The following CYP4X1 variants were observed in gnomAD, a reference collection of about 807,000 sequenced individuals.
CYP4X1 encodes cytochrome P450 4X1.
A neutral mutation model predicts 57.9 loss-of-function variants in CYP4X1; 44 were observed. The observed-to-expected ratio is 0.76, with a 90% confidence interval of 0.60 to 0.98. CYP4X1 has a LOEUF of 0.98. Ranked by LOEUF, CYP4X1 falls within the 50% of genes least tolerant of loss-of-function variation. The pLI is 0.00. For missense variants in CYP4X1, 532 were observed against 623.9 expected (o/e 0.85, Z 1.57); for synonymous variants, 227 against 228.6 (o/e 0.99, Z 0.06).
chr1:47,022,280 TGTC>T (rs373500038), upstream of CYP4X1, among the ~76,000 whole-genome samples: 3 of 139,678 alleles, frequency 2.1e-5, no homozygotes, highest in South Asian at 4.7e-4. Context: ...CCCTGGGGCC[TGTC>T]TTTTTTTTTT....
At chr1:46,999,026 TTGTG>T in the CYP4X1 span, among the ~76,000 whole-genome samples, 100,675 of 143,122 alleles carry the variant, frequency 0.7, 38,082 homozygotes, top group Non-Finnish European at 0.86. Flanking sequence ...CTTGCTTTCT[TTGTG>T]TGTGTGTGTG....
At chr1:46,974,089 C>T in the CYP4X1 span, among the ~76,000 whole-genome samples, 42 of 152,232 alleles carry the variant, frequency 2.8e-4, no homozygotes, top group Non-Finnish European at 5.3e-4. Context: ...AGTGCTTTAG[C>T]TGTGTCCCAG....
At chr1:47,013,183 G>A in the CYP4X1 span, among the ~76,000 whole-genome samples, 1 of 152,114 alleles carries the variant, frequency 6.6e-6, no homozygotes, top group East Asian at 1.9e-4. Flanking sequence ...AATAGGCAAA[G>A]CAGCCCCAAG....
the CYP4X1 span, among the ~76,000 whole-genome samples, chr1:46,968,197 C>G: frequency 6.6e-6 from 1 of 152,272 alleles, no homozygotes; most frequent in Admixed American, 6.5e-5. Context: ...GCTTCCCAGT[C>G]TAGGGGCCAG....
chr1:47,017,758 C>T, the CYP4X1 span, among the ~76,000 whole-genome samples: 1 of 152,138 alleles, frequency 6.6e-6, no homozygotes, highest in Non-Finnish European at 1.5e-5. Context: ...GACCTAGAAG[C>T]CCCCTCCCTC....
the CYP4X1 span, among the ~76,000 whole-genome samples, chr1:47,008,171 G>A: frequency 6.6e-6 from 1 of 152,170 alleles, no homozygotes; most frequent in Admixed American, 6.5e-5. Flanking sequence ...GGCAGCCAGA[G>A]AGAAAGGTCG....
Position 47,035,884 on chromosome 1 carries a change from A to G in CYP4X1, c.571A>G (p.Ile191Val), listed in dbSNP as rs755914932. The G allele has an allele frequency of 1.6e-5, 26 of 1,613,642 alleles. No individual in the cohort carries two copies. Among genetic ancestry groups the G allele is most frequent in the Non-Finnish European group, 2.2e-5 (26 of 1,179,800 alleles). The change falls in exon 5 of 12, where the codon ATA becomes GTA. Residue 191 changes from isoleucine (I) to valine (V), a missense_variant. Physicochemically the swap from Ile to Val is conservative, Grantham distance 29. Coordinates refer to ENST00000371901, the MANE Select transcript of CYP4X1 (RefSeq NM_178033.2). ...YEHINSMSLD[I>V]IMKCAFSKET... ...GCACATCAACTCGATGTCTCTGGATATAATCATGAAATGCGCTTTCAGCAA... is the reference window on the plus strand; with the variant it reads ...GCACATCAACTCGATGTCTCTGGATGTAATCATGAAATGCGCTTTCAGCAA...
the CYP4X1 span, among the ~76,000 whole-genome samples, chr1:46,998,654 A>T: frequency 5.9e-5 from 9 of 152,002 alleles, no homozygotes; most frequent in African/African-American, 2.2e-4. Context: ...AATTCTTTGT[A>T]TTGGCCAGAA....
chr1:47,051,771 G>A (rs1644361382), downstream of CYP4X1, among the ~76,000 whole-genome samples: 1 of 152,092 alleles, frequency 6.6e-6, no homozygotes, highest in Non-Finnish European at 1.5e-5. Context: ...TTGTCAGCTG[G>A]TATACCAATA....
chr1:46,987,482 G>T, the CYP4X1 span, among the ~76,000 whole-genome samples: 1 of 152,084 alleles, frequency 6.6e-6, no homozygotes, highest in Admixed American at 6.5e-5. Context: ...CAACTAGACA[G>T]AAAATTAGCA....
At chr1:46,968,179 C>G in the CYP4X1 span, among the ~76,000 whole-genome samples, 1 of 152,144 alleles carries the variant, frequency 6.6e-6, no homozygotes, top group South Asian at 2.1e-4. Flanking sequence ...TCAGCTGCTG[C>G]CTCACTTGCT....
At chr1:47,033,791 G>A (rs1369061134) in intron 4 of CYP4X1, among the ~76,000 whole-genome samples, 1 of 152,208 alleles carries the variant, frequency 6.6e-6, no homozygotes, top group Non-Finnish European at 1.5e-5. Context: ...GTTTCACACA[G>A]TTGTGAGACA....
At chr1:47,042,772 T>G (rs967601092) in intron 8 of CYP4X1, among the ~76,000 whole-genome samples, 2 of 152,212 alleles carry the variant, frequency 1.3e-5, no homozygotes, top group Non-Finnish European at 2.9e-5. Context: ...TCCAGATTGC[T>G]GCGAATGCCT....
At chr1:46,999,654 G>A in the CYP4X1 span, among the ~76,000 whole-genome samples, 1 of 151,950 alleles carries the variant, frequency 6.6e-6, no homozygotes. Flanking sequence ...TGTGGCATTA[G>A]GTTGTTAATT....
At chr1:46,976,275 A>C in the CYP4X1 span, among the ~76,000 whole-genome samples, 1 of 152,258 alleles carries the variant, frequency 6.6e-6, no homozygotes, top group East Asian at 1.9e-4. Context: ...ATCTTAGCAA[A>C]AGGCATATCA....
upstream of CYP4X1, among the ~76,000 whole-genome samples, chr1:47,020,817 T>C (rs149073874): frequency 1.2e-3 from 190 of 152,350 alleles, 1 homozygote; most frequent in African/African-American, 4.3e-3. Flanking sequence ...AAATATAGAT[T>C]GCCATACTGA....
chr1:47,022,137 A>T (rs976562715), upstream of CYP4X1, among the ~76,000 whole-genome samples: 1 of 152,106 alleles, frequency 6.6e-6, no homozygotes, highest in Admixed American at 6.5e-5. Flanking sequence ...TCAAATAACA[A>T]CATCTAGTTG....
At chr1:47,017,166 G>A in the CYP4X1 span, among the ~76,000 whole-genome samples, 1 of 152,194 alleles carries the variant, frequency 6.6e-6, no homozygotes, top group Admixed American at 6.5e-5. Context: ...ACAAACATGG[G>A]AGTGCAGATA....
At chr1:47,015,426 CG>C in the CYP4X1 span, among the ~76,000 whole-genome samples, 1 of 152,120 alleles carries the variant, frequency 6.6e-6, no homozygotes, top group East Asian at 1.9e-4. Context: ...CTGCCCCTGC[CG>C]TGGCAGAAGA....
Sources: allele counts gnomAD v4.1 joint callset (sites outside exome capture counted in the v4.1 genomes callset), GRCh38; gene constraint gnomAD v4.1.1; transcripts MANE v1.5; gene names NCBI Gene and HGNC (gene_info 2026-07-23, HGNC 2026-07-21).